Variants in STAG1 observed in about 807,000 individuals in gnomAD.
STAG1 encodes cohesin subunit SA-1.
Under a neutral mutation model 170.9 loss-of-function variants are expected in STAG1, and 26 were observed. That is an observed-to-expected ratio of 0.15 (90% CI 0.11 to 0.21). The LOEUF (loss-of-function observed/expected upper bound fraction) is 0.21, where lower values mean the gene tolerates loss of function less well. Ranked by LOEUF, STAG1 falls within the 10% of genes least tolerant of loss-of-function variation. STAG1 has a pLI of 1.00. For synonymous variants in STAG1, 514 were observed against 497.7 expected (o/e 1.03, Z -0.44); for missense variants, 964 against 1,509.5 (o/e 0.64, Z 5.99).
At chr3:136,552,906 C>A (rs1224874040) in intron 5 of STAG1, among the ~76,000 whole-genome samples, 1 of 152,004 alleles carries the variant, frequency 6.6e-6, no homozygotes, top group Non-Finnish European at 1.5e-5. Context: ...GTAACTTAAT[C>A]CTAGGATTCA....
At chr3:136,428,506 T>C (rs987608948) in intron 16 of STAG1, among the ~76,000 whole-genome samples, 2 of 152,158 alleles carry the variant, frequency 1.3e-5, no homozygotes, top group Non-Finnish European at 2.9e-5. Context: ...ACAGTATCTC[T>C]AAATCAGCCT....
chr3:136,515,956 AAAGT>A (rs1407229458), intron 7 of STAG1, among the ~76,000 whole-genome samples: 1 of 152,198 alleles, frequency 6.6e-6, no homozygotes, highest in Non-Finnish European at 1.5e-5. Flanking sequence ...GTGAAAAAGT[AAAGT>A]AAGACAAAGT....
At chr3:136,626,009 C>G (rs1301443755) in intron 2 of STAG1, among the ~76,000 whole-genome samples, 2 of 151,774 alleles carry the variant, frequency 1.3e-5, no homozygotes, top group Non-Finnish European at 2.9e-5. Context: ...GCAGAGATAG[C>G]ACCACTGCAC....
At chr3:136,652,648 T>C (rs1473386647) in intron 1 of STAG1, among the ~76,000 whole-genome samples, 4 of 152,170 alleles carry the variant, frequency 2.6e-5, no homozygotes, top group Non-Finnish European at 4.4e-5. Context: ...CTACAAATTA[T>C]TAGACTCAAG....
intron 1 of STAG1, among the ~76,000 whole-genome samples, chr3:136,633,962 T>TAAGAAAAA (rs1940442166): frequency 2.0e-5 from 1 of 50,346 alleles, no homozygotes; most frequent in Non-Finnish European, 4.2e-5. Context: ...TGTCTCTACT[T>TAAGAAAAA]AAAAAAAAAA....
chr3:136,343,754 G>C (rs1376526640), intron 30 of STAG1, 78 bp downstream of exon 30: 7 of 1,227,666 alleles, frequency 5.7e-6, no homozygotes, highest in Non-Finnish European at 7.8e-6. Context: ...ATGTTCTGAT[G>C]AACAAATAAA....
intron 23 of STAG1, among the ~76,000 whole-genome samples, chr3:136,374,262 T>C (rs564533477): frequency 5.0e-4 from 76 of 152,212 alleles, no homozygotes; most frequent in Middle Eastern, 3.4e-3. Context: ...GTTTCCTGGA[T>C]ACAGCACACT....
intron 23 of STAG1, among the ~76,000 whole-genome samples, chr3:136,376,756 A>G (rs1362742177): frequency 2.0e-5 from 3 of 152,036 alleles, no homozygotes; most frequent in Admixed American, 1.3e-4. Context: ...GTCATATGTC[A>G]GCTCCCCAGA....
chr3:136,592,150 T>C (rs1938217006), intron 4 of STAG1, among the ~76,000 whole-genome samples: 1 of 152,116 alleles, frequency 6.6e-6, no homozygotes, highest in Non-Finnish European at 1.5e-5. Context: ...AACCCTCCCT[T>C]TATGTCTTCC....
intron 11 of STAG1, among the ~76,000 whole-genome samples, 164 bp downstream of exon 11, chr3:136,473,375 A>T (rs1444291649): frequency 6.6e-6 from 1 of 152,182 alleles, no homozygotes; most frequent in African/African-American, 2.4e-5. Flanking sequence ...GTCCACAGAA[A>T]AACTGTCTTC....
intron 6 of STAG1, among the ~76,000 whole-genome samples, chr3:136,523,218 T>C (rs1455867659): frequency 2.0e-5 from 3 of 152,210 alleles, no homozygotes; most frequent in Admixed American, 6.5e-5. Flanking sequence ...CTCCCCATCC[T>C]CTTCAGTACC....
intron 6 of STAG1, among the ~76,000 whole-genome samples, chr3:136,536,238 A>C (rs1935615185): frequency 6.6e-6 from 1 of 152,182 alleles, no homozygotes; most frequent in African/African-American, 2.4e-5. Context: ...GATTAAGAGA[A>C]TATAACAGGC....
At chr3:136,668,400 T>C (rs998802787) in intron 1 of STAG1, among the ~76,000 whole-genome samples, 20 of 146,168 alleles carry the variant, frequency 1.4e-4, no homozygotes, top group South Asian at 2.1e-4. Flanking sequence ...AAATATATAT[T>C]ATGTATAATA....
intron 1 of STAG1, among the ~76,000 whole-genome samples, chr3:136,653,462 CA>C (rs1220226449): frequency 6.6e-6 from 1 of 152,162 alleles, no homozygotes; most frequent in Admixed American, 6.6e-5. Context: ...ATATGAAATT[CA>C]GATGAAAATT....
intron 1 of STAG1, among the ~76,000 whole-genome samples, chr3:136,685,013 C>T (rs1460186940): frequency 1.3e-5 from 2 of 151,902 alleles, no homozygotes; most frequent in Admixed American, 6.6e-5. Context: ...AGTTGGACTT[C>T]GTTAAAATTA....
intron 9 of STAG1, among the ~76,000 whole-genome samples, chr3:136,478,095 T>C (rs561296442): frequency 5.1e-4 from 78 of 152,252 alleles, no homozygotes; most frequent in Non-Finnish European, 3.2e-4. Context: ...CGGCCAGAAC[T>C]GGGAATCTTT....
At chr3:136,373,276 T>C (rs1937445966) in intron 23 of STAG1, among the ~76,000 whole-genome samples, 1 of 152,156 alleles carries the variant, frequency 6.6e-6, no homozygotes, top group Non-Finnish European at 1.5e-5. Flanking sequence ...TCTATCAATT[T>C]TGTTGATTTT....
chr3:136,537,310 C>A (rs550756652), intron 6 of STAG1, among the ~76,000 whole-genome samples: 1 of 151,932 alleles, frequency 6.6e-6, no homozygotes, highest in East Asian at 1.9e-4. Flanking sequence ...GCCTGGTATG[C>A]CCTCACTTGG....
intron 12 of STAG1, among the ~76,000 whole-genome samples, chr3:136,466,122 C>T (rs759896423): frequency 6.6e-6 from 1 of 152,178 alleles, no homozygotes; most frequent in Non-Finnish European, 1.5e-5. Context: ...AAACAGAGCT[C>T]CTCACCAGCA....
Sources: allele counts gnomAD v4.1 joint callset (sites outside exome capture counted in the v4.1 genomes callset), GRCh38; gene constraint gnomAD v4.1.1; transcripts MANE v1.5; gene names NCBI Gene and HGNC (gene_info 2026-07-23, HGNC 2026-07-21).